Variants in SLC7A9 observed in about 807,000 individuals in gnomAD.
SLC7A9 encodes B(0,+)-type amino acid transporter 1.
Under a neutral mutation model 54.1 loss-of-function variants are expected in SLC7A9, and 38 were observed. That is an observed-to-expected ratio of 0.70 (90% CI 0.54 to 0.92). The LOEUF is 0.92. Ranked by LOEUF, SLC7A9 falls within the 40% of genes least tolerant of loss-of-function variation. The pLI, the probability that SLC7A9 is intolerant of heterozygous loss-of-function variation, is 0.00. For missense variants in SLC7A9, 537 were observed against 636.1 expected (o/e 0.84, Z 1.68); for synonymous variants, 264 against 258.9 (o/e 1.02, Z -0.19).
intron 12 of SLC7A9, among the ~76,000 whole-genome samples, chr19:32,832,600 A>G (rs1223897413): frequency 6.7e-6 from 1 of 148,184 alleles, no homozygotes; most frequent in African/African-American, 2.6e-5. Flanking sequence ...AAAAAAAAAA[A>G]AAAAGAAAGA....
chr19:32,833,871 C>A (rs747847342), intron 11 of SLC7A9, among the ~76,000 whole-genome samples: 4 of 152,036 alleles, frequency 2.6e-5, no homozygotes, highest in Non-Finnish European at 5.9e-5. Flanking sequence ...TTCATTGTTT[C>A]ATCAGGGTTT....
At chr19:32,834,998 C>T (rs879749335) in intron 11 of SLC7A9, among the ~76,000 whole-genome samples, 2 of 152,146 alleles carry the variant, frequency 1.3e-5, no homozygotes, top group Non-Finnish European at 2.9e-5. Flanking sequence ...CCACGTTGGC[C>T]AGGCTGGTCT....
In SLC7A9 at chr19:32,864,681, A is replaced by G; in HGVS notation, c.183T>C (p.Ala61=). ...CCCATATGATGAGGCAGGGCCCCACAGCTTCCGTGTTGCTGAGCACAGACT... is the reference window on the plus strand; with the variant it reads ...CCCATATGATGAGGCAGGGCCCCACGGCTTCCGTGTTGCTGAGCACAGACT... ...SPKSVLSNTE[A]VGPCLIIWAA... Residue 61 remains alanine (A), a synonymous_variant, in exon 3 of 13, where the codon GCT becomes GCC. Coordinates refer to ENST00000023064, the MANE Select transcript of SLC7A9 (RefSeq NM_014270.5). 5.6e-6 allele frequency: 9 copies of G among 1,614,152 alleles called. No individual in the cohort carries two copies. Among genetic ancestry groups the G allele is most frequent in the Non-Finnish European group, 7.6e-6 (9 of 1,180,026 alleles).
chr19:32,861,352 G>A (rs1312454598), intron 6 of SLC7A9, among the ~76,000 whole-genome samples: 2 of 151,542 alleles, frequency 1.3e-5, no homozygotes, highest in Middle Eastern at 3.4e-3. Context: ...GAAAAAAAAG[G>A]ACAAAAACAG....
chr19:32,863,670 T>A (rs1599686493), intron 4 of SLC7A9, among the ~76,000 whole-genome samples: 1 of 151,882 alleles, frequency 6.6e-6, no homozygotes, highest in Non-Finnish European at 1.5e-5. Context: ...CCACCCCTAC[T>A]CCCCCACCAG....
chr19:32,831,804 CTTTT>C (rs892672121), intron 12 of SLC7A9, among the ~76,000 whole-genome samples: 5 of 152,220 alleles, frequency 3.3e-5, no homozygotes, highest in Non-Finnish European at 5.9e-5. Flanking sequence ...AAGGCCATGA[CTTTT>C]TGTGTGTCTT....
intron 9 of SLC7A9, among the ~76,000 whole-genome samples, chr19:32,848,526 T>TC (rs1265120462): frequency 6.6e-6 from 1 of 152,156 alleles, no homozygotes; most frequent in Non-Finnish European, 1.5e-5. Flanking sequence ...GCACCCAGAT[T>TC]CATAAAGCAA....
Position 32,842,248 on chromosome 19 carries a change from C to CG in SLC7A9, c.1143dup (p.Ala382ArgfsTer106). On this transcript the variant is annotated frameshift_variant, in exon 11 of 13. Coordinates refer to ENST00000023064, the MANE Select transcript of SLC7A9 (RefSeq NM_014270.5). LOFTEE classifies it high-confidence loss of function. ...ATCGTCAGGCCATAAAACAGCCATG[C>CG]GGCAAAGCTGAAATAATTGACTAAC... 5 of 1,613,888 alleles carry CG rather than the reference C, an allele frequency of 3.1e-6. No homozygotes were observed. In the South Asian group the frequency reaches 5.5e-5, roughly 18 times the overall value.
intron 9 of SLC7A9, among the ~76,000 whole-genome samples, chr19:32,856,206 T>C (rs1968622941): frequency 1.3e-5 from 2 of 151,664 alleles, no homozygotes; most frequent in Admixed American, 1.3e-4. Context: ...TTTTTTTTTT[T>C]TTTTCTGAGA....
chr19:32,850,387 AACAG>A (rs1215829879), intron 9 of SLC7A9, among the ~76,000 whole-genome samples: 30 of 150,420 alleles, frequency 2.0e-4, no homozygotes, highest in African/African-American at 5.9e-4. Context: ...ATACACCAAT[AACAG>A]ACAGAGAGCC....
In SLC7A9 at chr19:32,842,034, C is replaced by G. The variant is rs1968140790; in HGVS notation, c.1224+134G>C. On this transcript the variant is annotated intron_variant, in intron 11 of 12. Coordinates refer to ENST00000023064, the MANE Select transcript of SLC7A9 (RefSeq NM_014270.5). ...AAACTATGCTGTGAAGAGTAAACTC[C>G]ACTCTAAAATACGATATTTTAAAAG... 1.3e-5 allele frequency: 11 copies of G among 864,794 alleles called. No individual in the cohort carries two copies. The South Asian group carries it at 1.6e-4, about 12-fold the overall frequency. The allele number at this position is 864,794 out of a possible 1,614,324, so 53.6% of individuals were successfully genotyped here.
At chr19:32,863,656 C>T (rs950995226) in intron 4 of SLC7A9, among the ~76,000 whole-genome samples, 2 of 152,196 alleles carry the variant, frequency 1.3e-5, no homozygotes, top group African/African-American at 4.8e-5. Context: ...CCACTGCCTG[C>T]GGCCCACCCC....
intron 7 of SLC7A9, chr19:32,860,340 TGAG>T: frequency 7.3e-7 from 1 of 1,377,304 alleles, no homozygotes; most frequent in Non-Finnish European, 9.5e-7. Flanking sequence ...GCGAATCTCT[TGAG>T]GTTGGGAGTT....
chr19:32,858,235 C>T (rs373715881), intron 9 of SLC7A9, among the ~76,000 whole-genome samples: 5 of 152,278 alleles, frequency 3.3e-5, no homozygotes, highest in South Asian at 2.1e-4. Flanking sequence ...GATCAATTCC[C>T]GTGTGCAGGC....
rs750191557 is a variant in SLC7A9, at chr19:32,859,919, C to T, written c.795G>A (p.Ala265=). The T allele has an allele frequency of 2.5e-5, 41 of 1,614,026 alleles. No individual in the cohort carries two copies. The East Asian group carries it at 3.3e-4, about 13-fold the overall frequency. Residue 265 remains alanine, a synonymous_variant, in exon 8 of 13, where the codon GCG becomes GCA. Coordinates refer to ENST00000023064, the MANE Select transcript of SLC7A9 (RefSeq NM_014270.5). ...AGGACACGTTCATGAGGATGTAGCA[C>T]GCCGTCACCAGGGGGATCCCGATGA... The part of the protein sequence containing the change: ...AIIIGIPLVT[A]CYILMNVSYF...
At chr19:32,867,001 C>T (rs1968990674) in intron 2 of SLC7A9, among the ~76,000 whole-genome samples, 1 of 152,204 alleles carries the variant, frequency 6.6e-6, no homozygotes, top group Admixed American at 6.5e-5. Context: ...CTGTGTTGAG[C>T]TCCTTTCTGC....
chr19:32,856,854 T>C (rs1316987431), intron 9 of SLC7A9, among the ~76,000 whole-genome samples: 1 of 152,126 alleles, frequency 6.6e-6, no homozygotes, highest in Non-Finnish European at 1.5e-5. Context: ...TTATTATTTG[T>C]CAATTTAAAA....
Position 32,831,975 on chromosome 19 carries a change from G to A in SLC7A9, c.1399+1174C>T, listed in dbSNP as rs113722807. ...GAAACGTTTATGTTGTGTGTCTTTC[G>A]CAATTAAAAAGAAAATGGGGCTGGG... On this transcript the variant is annotated intron_variant, in intron 12 of 12. Transcript: ENST00000023064. 2.4e-4 allele frequency among the ~76,000 whole-genome samples: 36 copies of A among 152,298 alleles called. 1 individual carries two copies. Among genetic ancestry groups the A allele is most frequent in the African/African-American group, 7.0e-4 (29 of 41,560 alleles).
chr19:32,840,268 G>A (rs981614998), intron 11 of SLC7A9, among the ~76,000 whole-genome samples: 1 of 152,032 alleles, frequency 6.6e-6, no homozygotes, highest in African/African-American at 2.4e-5. Flanking sequence ...GACCTCCTGG[G>A]CTCAAGCATT....
Sources: allele counts gnomAD v4.1 joint callset (sites outside exome capture counted in the v4.1 genomes callset), GRCh38; gene constraint gnomAD v4.1.1; transcripts MANE v1.5; gene names NCBI Gene and HGNC (gene_info 2026-07-23, HGNC 2026-07-21).